Variants in SDK2 observed in about 807,000 individuals in gnomAD.
SDK2 encodes sidekick cell adhesion molecule 2.
A neutral mutation model predicts 253.9 loss-of-function variants in SDK2; 105 were observed. The observed-to-expected ratio is 0.41, with a 90% CI of 0.35 to 0.49. The LOEUF (loss-of-function observed/expected upper bound fraction) is 0.49. Ranked by LOEUF, SDK2 falls within the 20% of genes least tolerant of loss-of-function variation. The probability of loss-of-function intolerance (pLI) is 0.06; values close to 1 mark genes in which losing one functional copy is unlikely to be tolerated. For missense variants in SDK2, 2,608 were observed against 3,003.0 expected, an observed-to-expected ratio of 0.87 and a Z score of 3.07; for synonymous variants, 1,249 against 1,234.9, an observed-to-expected ratio of 1.01 and a Z score of -0.24.
Position 73,595,352 on chromosome 17 carries a change from TG to T in SDK2, c.64+48672del, listed in dbSNP as rs878986043. Among the ~76,000 whole-genome samples, 7 of 152,100 alleles carry T rather than the reference TG, an allele frequency of 4.6e-5. No individual in the cohort carries two copies. In the South Asian group the frequency reaches 1.5e-3, roughly 32 times the overall value. On this transcript the variant is annotated intron_variant, in intron 1 of 44. Coordinates refer to ENST00000392650, the MANE Select transcript of SDK2 (RefSeq NM_001144952.2). ...AATGCCGTTTGTGGTGAGACTCTCTTGCCCTATGGCTCCAGATTGAGGGGGT... is the reference window on the plus strand; with the variant it reads ...AATGCCGTTTGTGGTGAGACTCTCTTCCCTATGGCTCCAGATTGAGGGGGT...
At chr17:73,545,161 G>T (rs556750133) in intron 1 of SDK2, among the ~76,000 whole-genome samples, 47 of 146,980 alleles carry the variant, frequency 3.2e-4, no homozygotes, top group Non-Finnish European at 6.0e-4. Context: ...CCACCTTGGG[G>T]GCTGTGGCCT....
Position 73,386,294 on chromosome 17 carries a change from C to A in SDK2, c.4498+151G>T, listed in dbSNP as rs2062871253. 6.3e-6 allele frequency: 4 copies of A among 638,424 alleles called. No individual in the cohort carries two copies. The Admixed American group carries it at 1.1e-4, about 17-fold the overall frequency. The allele number at this position is 638,424 out of a possible 1,614,324, so 39.5% of individuals were successfully genotyped here. On this transcript the variant is annotated intron_variant, in intron 31 of 44. Transcript: ENST00000392650. ...TTGGCAAAAGTGTCTCTGGCCCAAA[C>A]CTCCCTGAGACCCTACCCCGGGAGC...
chr17:73,584,530 A>G (rs1400059390), intron 1 of SDK2, among the ~76,000 whole-genome samples: 1 of 152,106 alleles, frequency 6.6e-6, no homozygotes, highest in Non-Finnish European at 1.5e-5. Flanking sequence ...CTGCTCTCCG[A>G]CTGTAGGAGG....
intron 23 of SDK2, 63 bp downstream of exon 23, chr17:73,398,257 C>T: frequency 6.2e-7 from 1 of 1,601,810 alleles, no homozygotes; most frequent in Non-Finnish European, 8.5e-7. Context: ...CTGGTCTGGG[C>T]CATAGCCCCC....
At chr17:73,457,242 CCTTCCTT>C (rs1567784099) in intron 3 of SDK2, among the ~76,000 whole-genome samples, 829 of 56,056 alleles carry the variant, frequency 0.015, 27 homozygotes, top group African/African-American at 0.068. Flanking sequence ...TTCCTTCCTT[CCTTCCTT>C]CCTTCCTTCC....
intron 1 of SDK2, among the ~76,000 whole-genome samples, chr17:73,528,287 TC>T (rs1292132057): frequency 1.3e-5 from 2 of 152,160 alleles, no homozygotes; most frequent in African/African-American, 2.4e-5. Context: ...CTCCAAAGTC[TC>T]CCCGGCTTCT....
chr17:73,584,338 C>T (rs1405115954), intron 1 of SDK2, among the ~76,000 whole-genome samples: 1 of 152,234 alleles, frequency 6.6e-6, no homozygotes, highest in Admixed American at 6.5e-5. Flanking sequence ...TTGGCGGCCC[C>T]ACCTAGCACC....
In SDK2 at chr17:73,388,320, A is replaced by C. The variant is rs959391584; in HGVS notation, c.4193-283T>G. Among the ~76,000 whole-genome samples the C allele has an allele frequency of 2.6e-5, 4 of 152,302 alleles. No homozygotes were observed. The East Asian group carries it at 5.8e-4, about 22-fold the overall frequency. Reference sequence around the variant, plus strand: ...GCAAGGATTGACGGTGAGGAGTGACAAACACCCACCCAGCTCCTTTGCTCC... The same window carrying C: ...GCAAGGATTGACGGTGAGGAGTGACCAACACCCACCCAGCTCCTTTGCTCC... On this transcript the variant is annotated intron_variant, in intron 29 of 44. Coordinates refer to ENST00000392650, the MANE Select transcript of SDK2 (RefSeq NM_001144952.2).
At chr17:73,600,331 T>C (rs920105624) in intron 1 of SDK2, among the ~76,000 whole-genome samples, 12 of 152,256 alleles carry the variant, frequency 7.9e-5, no homozygotes, top group African/African-American at 2.9e-4. Flanking sequence ...TCTGGCTCTC[T>C]TGATCCTCCC....
chr17:73,367,688 G>T (rs908959915), intron 37 of SDK2, among the ~76,000 whole-genome samples: 2 of 151,072 alleles, frequency 1.3e-5, no homozygotes, highest in African/African-American at 4.9e-5. Context: ...ATTTTTAGTA[G>T]AGACAGGGTG....
chr17:73,499,525 G>A (rs1452111294), intron 2 of SDK2, among the ~76,000 whole-genome samples: 6 of 152,232 alleles, frequency 3.9e-5, no homozygotes, highest in East Asian at 3.9e-4. Flanking sequence ...ACACCCTCAC[G>A]CTTGCCTCTC....
Position 73,643,261 on chromosome 17 carries a change from G to C in SDK2, c.64+764C>G, listed in dbSNP as rs1365092881. Among the ~76,000 whole-genome samples, 1 of 152,184 alleles carries C rather than the reference G, an allele frequency of 6.6e-6. No homozygotes were observed. The highest frequency in any genetic ancestry group is 1.5e-5 in the Non-Finnish European group (1 of 68,018). ...CCTTCTCCACCGCGAGGCTGCTCCC[G>C]GCAGCCACAGGTCACAGCAGCGAGC... is the stretch of plus-strand genomic sequence containing the variant. On this transcript the variant is annotated intron_variant, in intron 1 of 44. Transcript: ENST00000392650. The surrounding 1 kb of genome is among the most constrained non-coding windows in gnomAD (Gnocchi z 6.9).
intron 32 of SDK2, among the ~76,000 whole-genome samples, chr17:73,385,195 G>A (rs2062862365): frequency 1.3e-5 from 2 of 152,190 alleles, no homozygotes; most frequent in Admixed American, 1.3e-4. Context: ...TGGGTGACCT[G>A]CTGAGGCAAG....
chr17:73,357,976 G>A lies in SDK2; in HGVS notation c.5593+103C>T, dbSNP rs774838976. On this transcript the variant is annotated intron_variant, in intron 40 of 44. Transcript: ENST00000392650. ...TGACTTCACCTGTAGTAGCACAAGC[G>A]CCTTCTCAGGCGGAGGACAGAGGCA... The A allele has an allele frequency of 1.6e-5, 24 of 1,545,072 alleles. No individual in the cohort carries two copies. The highest frequency in any genetic ancestry group is 1.9e-5 in the Non-Finnish European group (22 of 1,129,434).
intron 19 of SDK2, 33 bp downstream of exon 19, chr17:73,401,913 G>A (rs778272183): frequency 1.2e-5 from 18 of 1,508,112 alleles, no homozygotes; most frequent in South Asian, 1.1e-4. Context: ...TGGGCGGGGG[G>A]GGGCAGAAAG....
At chr17:73,622,933 C>A (rs2046151742) in intron 1 of SDK2, among the ~76,000 whole-genome samples, 1 of 152,226 alleles carries the variant, frequency 6.6e-6, no homozygotes, top group Admixed American at 6.5e-5. Flanking sequence ...CAGCCCTCCC[C>A]TTCACCCATC....
chr17:73,435,001 G>C lies in SDK2; in HGVS notation c.1195+449C>G, dbSNP rs2063356088. On this transcript the variant is annotated intron_variant, in intron 9 of 44. Coordinates refer to ENST00000392650, the MANE Select transcript of SDK2 (RefSeq NM_001144952.2). This position sits in a 1 kb window ranked among gnomAD's most constrained non-coding sequence, Gnocchi z 5.7. Reference sequence around the variant, plus strand: ...AGGGCAACTATGGCAACCCCTGACAGAGACTCCAAGGGCAGAAAGGGATTT... The same window carrying C: ...AGGGCAACTATGGCAACCCCTGACACAGACTCCAAGGGCAGAAAGGGATTT... Among the ~76,000 whole-genome samples the C allele has an allele frequency of 6.6e-6, 1 of 152,154 alleles. No homozygotes were observed. The highest frequency in any genetic ancestry group is 1.5e-5 in the Non-Finnish European group (1 of 68,028).
At chr17:73,551,250 G>C (rs34036064) in intron 1 of SDK2, among the ~76,000 whole-genome samples, 3 of 152,134 alleles carry the variant, frequency 2.0e-5, no homozygotes, top group African/African-American at 7.2e-5. Context: ...TGGTGCCTTC[G>C]TGATAAATGC....
chr17:73,406,134 ACT>A (rs1472009687), intron 18 of SDK2, among the ~76,000 whole-genome samples: 6 of 151,552 alleles, frequency 4.0e-5, no homozygotes, highest in South Asian at 4.2e-4. Context: ...ATGACAAAAA[ACT>A]CTGTGCATGT....
Sources: gnomAD v4.1 joint callset for allele counts (sites outside exome capture counted in the v4.1 genomes callset) on GRCh38, gnomAD v4.1.1 for gene constraint, Gnocchi (gnomAD v3.1) non-coding constraint, MANE v1.5 for transcripts, NCBI Gene and HGNC (gene_info 2026-07-23, HGNC 2026-07-21) for gene names.